The following CCDC150 variants were observed in gnomAD, a reference collection of about 807,000 sequenced individuals.
The protein encoded by CCDC150 is coiled-coil domain containing 150.
A neutral mutation model predicts 156.5 loss-of-function variants in CCDC150; 151 were observed. The observed-to-expected ratio is 0.97, with a 90% confidence interval of 0.85 to 1.10. The LOEUF (loss-of-function observed/expected upper bound fraction) is 1.10, where lower values mean the gene tolerates loss of function less well. Among genes scored for constraint, CCDC150 ranks in the 50% least tolerant of loss-of-function variants. The pLI is 0.00. For synonymous variants in CCDC150, 452 were observed against 429.4 expected, an observed-to-expected ratio of 1.05 and a Z score of -0.65; for missense variants, 1,312 against 1,268.1, an observed-to-expected ratio of 1.03 and a Z score of -0.53.
chr2:196,645,001 G>A (rs1230525504), intron 1 of CCDC150, among the ~76,000 whole-genome samples: 2 of 151,724 alleles, frequency 1.3e-5, no homozygotes, highest in Non-Finnish European at 2.9e-5. Flanking sequence ...GCACATAACT[G>A]TAATCTCAGC....
At position 196,701,193 on chromosome 2, in the gene CCDC150, T is replaced by C; in HGVS notation, c.1695+13T>C. On this transcript the variant is annotated intron_variant, in intron 15 of 27. Coordinates refer to ENST00000389175, the MANE Select transcript of CCDC150 (RefSeq NM_001080539.2). ...CGGAAAACTCCAGGTATGAGATTTA[T>C]TTTCTGATTTTTCTTGTTTGAATTT... 6.6e-7 allele frequency: 1 copy of C among 1,509,940 alleles called. No homozygotes were observed. Among genetic ancestry groups the C allele is most frequent in the Non-Finnish European group, 9.0e-7 (1 of 1,109,626 alleles). The allele number at this position is 1,509,940 out of a possible 1,614,324, so 93.5% of individuals were successfully genotyped here. A position where few individuals can be genotyped will look rare whatever the true frequency, so the allele number is the denominator to read the frequency against.
At chr2:196,682,438 G>C (rs1694894863) in intron 13 of CCDC150, among the ~76,000 whole-genome samples, 1 of 151,640 alleles carries the variant, frequency 6.6e-6, no homozygotes, top group Non-Finnish European at 1.5e-5. Flanking sequence ...GATTGTTTTA[G>C]CCATTCTGGG....
intron 2 of CCDC150, among the ~76,000 whole-genome samples, chr2:196,655,673 A>G (rs1399326751): frequency 6.6e-6 from 1 of 152,010 alleles, no homozygotes; most frequent in Non-Finnish European, 1.5e-5. Context: ...AACTGCTTGC[A>G]CTCCTGTTTA....
Position 196,658,880 on chromosome 2 carries a change from G to C in CCDC150, c.645+20G>C, listed in dbSNP as rs760922285. On this transcript the variant is annotated intron_variant, in intron 5 of 27. Transcript: ENST00000389175. ...CAAGAGGTAAGACAAAAAGATGGAG[G>C]GTGGAGGAGGTGTTGGAATTGCAGA... 6.5e-7 allele frequency: 1 copy of C among 1,540,802 alleles called. No individual in the cohort carries two copies. Among genetic ancestry groups the C allele is most frequent in the East Asian group, 2.3e-5 (1 of 43,720 alleles).
At chr2:196,685,849 C>T (rs1019557409) in intron 13 of CCDC150, among the ~76,000 whole-genome samples, 6 of 152,108 alleles carry the variant, frequency 3.9e-5, no homozygotes, top group Middle Eastern at 3.4e-3. Context: ...CTCCTGACCT[C>T]GTGATCCGCC....
chr2:196,678,565 T>C (rs1284128963), intron 13 of CCDC150, among the ~76,000 whole-genome samples: 3 of 152,090 alleles, frequency 2.0e-5, no homozygotes, highest in Non-Finnish European at 4.4e-5. Flanking sequence ...ATTGGGAAAA[T>C]TGGTGACTAC....
intron 22 of CCDC150, chr2:196,727,256 A>G (rs1698260603): frequency 6.6e-6 from 1 of 152,084 alleles, no homozygotes; most frequent in African/African-American, 2.4e-5. Context: ...AAATACAAAA[A>G]TTAGCTGGGT....
Position 196,732,602 on chromosome 2 carries a change from C to T in CCDC150, c.*40C>T, listed in dbSNP as rs778562112. Reference sequence around the variant, plus strand: ...GAGCTTCTTTATGTGTAGCTACACTCCATGATTCCAAGAGCCCAGCAGCCG... The same window carrying T: ...GAGCTTCTTTATGTGTAGCTACACTTCATGATTCCAAGAGCCCAGCAGCCG... On this transcript the variant is annotated 3_prime_UTR_variant, in exon 28 of 28. Transcript: ENST00000389175. 2.2e-6 allele frequency: 3 copies of T among 1,345,732 alleles called. No homozygotes were observed. 83.4% of individuals were successfully genotyped at this position (1,345,732 alleles called of 1,614,324 possible).
In CCDC150 at chr2:196,718,500, T is replaced by C; in HGVS notation, c.1867-3T>C. 6.2e-7 allele frequency: 1 copy of C among 1,603,314 alleles called. No homozygotes were observed. The highest frequency in any genetic ancestry group is 8.5e-7 in the Non-Finnish European group (1 of 1,173,854). The stretch of plus-strand genomic sequence containing the variant: ...TATTTATTGTTTCTTTTTTCCTACT[T>C]AGGTGAAATCTATTCTTGAAAGAAG... On this transcript the variant is annotated splice_polypyrimidine_tract_variant and splice_region_variant and intron_variant, in intron 17 of 27. Transcript: ENST00000389175.
At chr2:196,731,101 G>A (rs1490144226) in intron 26 of CCDC150, among the ~76,000 whole-genome samples, 156 bp downstream of exon 26, 3 of 152,122 alleles carry the variant, frequency 2.0e-5, no homozygotes, top group African/African-American at 7.2e-5. Context: ...CTATTGTAGA[G>A]AAGAAGTGAT....
intron 14 of CCDC150, among the ~76,000 whole-genome samples, chr2:196,697,752 A>G (rs1244135441): frequency 6.6e-6 from 1 of 152,208 alleles, no homozygotes; most frequent in Admixed American, 6.5e-5. Flanking sequence ...CCAAGATGCC[A>G]GTATCCTACT....
At chr2:196,660,402 A>G (rs1693493549) in intron 5 of CCDC150, among the ~76,000 whole-genome samples, 1 of 152,238 alleles carries the variant, frequency 6.6e-6, no homozygotes, top group South Asian at 2.1e-4. Context: ...CCTGTCTTGC[A>G]GAATGACTGT....
At chr2:196,675,852 A>G (rs1694463461) in intron 10 of CCDC150, among the ~76,000 whole-genome samples, 1 of 152,190 alleles carries the variant, frequency 6.6e-6, no homozygotes, top group East Asian at 1.9e-4. Context: ...ATAATTTTCT[A>G]TATTTAAAAA....
chr2:196,672,468 A>G (rs1006067958), intron 9 of CCDC150, 31 bp downstream of exon 9: 13 of 1,217,848 alleles, frequency 1.1e-5, no homozygotes, highest in South Asian at 1.9e-5. Flanking sequence ...TAGTTTTTAG[A>G]TGTTATTTAA....
In CCDC150 at chr2:196,640,159, T is replaced by C. The variant is rs1692126843; in HGVS notation, c.12+381T>C. On this transcript the variant is annotated intron_variant, in intron 1 of 27. Transcript: ENST00000389175. The stretch of plus-strand genomic sequence containing the variant: ...TGGCTTGCTTACCAGAATATAGGTG[T>C]CAGGAATTTGCACTTGTTCTTTACG... 3.9e-5 allele frequency among the ~76,000 whole-genome samples: 6 copies of C among 152,348 alleles called. No homozygotes were observed. In the South Asian group the frequency reaches 1.0e-3, roughly 26 times the overall value.
intron 15 of CCDC150, among the ~76,000 whole-genome samples, chr2:196,704,663 T>C (rs191379255): frequency 6.6e-6 from 1 of 152,228 alleles, no homozygotes; most frequent in East Asian, 1.9e-4. Flanking sequence ...AACTCATCAT[T>C]TACATTAGGT....
At chr2:196,678,397 T>A (rs1044481032) in intron 13 of CCDC150, among the ~76,000 whole-genome samples, 1 of 152,196 alleles carries the variant, frequency 6.6e-6, no homozygotes, top group East Asian at 1.9e-4. Flanking sequence ...TGCTAGAGTT[T>A]GAGCCTGAGC....
chr2:196,719,063 G>C (rs992215433), intron 18 of CCDC150, among the ~76,000 whole-genome samples: 1 of 152,152 alleles, frequency 6.6e-6, no homozygotes, highest in African/African-American at 2.4e-5. Context: ...TCTCTGAGGA[G>C]GGCTGTGAGT....
intron 14 of CCDC150, among the ~76,000 whole-genome samples, chr2:196,699,287 A>G (rs553048105): frequency 4.6e-5 from 7 of 152,326 alleles, no homozygotes; most frequent in African/African-American, 1.4e-4. Context: ...ATGAATATGT[A>G]TAATAATGTA....
Sources: allele counts gnomAD v4.1 joint callset (sites outside exome capture counted in the v4.1 genomes callset), GRCh38; gene constraint gnomAD v4.1.1; transcripts MANE v1.5; gene names NCBI Gene and HGNC (gene_info 2026-07-23, HGNC 2026-07-21).